Variants in AHRR observed in about 807,000 individuals in gnomAD.
The protein encoded by AHRR is ahR repressor.
A neutral mutation model predicts 44.0 loss-of-function variants in AHRR; 28 were observed. The observed-to-expected ratio is 0.64, with a 90% CI of 0.47 to 0.87. The LOEUF (loss-of-function observed/expected upper bound fraction) is 0.87, where lower values mean the gene tolerates loss of function less well. Ranked by LOEUF, AHRR falls within the 40% of genes least tolerant of loss-of-function variation. AHRR has a pLI of 0.00. For missense variants in AHRR, 990 were observed against 953.9 expected (o/e 1.04, Z -0.50); for synonymous variants, 434 against 407.0 (o/e 1.07, Z -0.80).
At position 337,368 on chromosome 5, in the gene AHRR, C is replaced by A. The variant is rs1284602574; in HGVS notation, c.-10-6525C>A. On this transcript the variant is annotated intron_variant, in intron 1 of 10. Transcript: ENST00000684583. The surrounding 1 kb of genome is among the most constrained non-coding windows in gnomAD (Gnocchi z 4.1). ...TTTAAAAAATCAGCTCTCTGTTTTTCTTTATGTGTATGTATATACACACAC... is the reference window on the plus strand; with the variant it reads ...TTTAAAAAATCAGCTCTCTGTTTTTATTTATGTGTATGTATATACACACAC... Among the ~76,000 whole-genome samples, 1 of 152,054 alleles carries A rather than the reference C, an allele frequency of 6.6e-6. No individual in the cohort carries two copies. The highest frequency in any genetic ancestry group is 1.5e-5 in the Non-Finnish European group (1 of 67,998).
intron 8 of AHRR, among the ~76,000 whole-genome samples, chr5:428,298 A>G (rs1736564135): frequency 6.6e-6 from 1 of 152,238 alleles, no homozygotes; most frequent in South Asian, 2.1e-4. Context: ...GTCCTCAAGA[A>G]AATGCGGAGC....
chr5:331,188 T>A (rs1441653350), intron 1 of AHRR, among the ~76,000 whole-genome samples: 1 of 152,172 alleles, frequency 6.6e-6, no homozygotes, highest in Non-Finnish European at 1.5e-5. Flanking sequence ...TGTGAGCTTT[T>A]CTTTTGGGGG....
chr5:410,340 G>A (rs2126507924), intron 4 of AHRR, among the ~76,000 whole-genome samples: 1 of 152,286 alleles, frequency 6.6e-6, no homozygotes, highest in African/African-American at 2.4e-5. Context: ...GGGACTACAG[G>A]CATGCACCAC....
intron 1 of AHRR, among the ~76,000 whole-genome samples, chr5:325,139 C>T (rs558314433): frequency 1.9e-3 from 287 of 152,310 alleles, no homozygotes; most frequent in Non-Finnish European, 3.1e-3. Flanking sequence ...CTGCACTAGC[C>T]CCACCTCTGA....
chr5:359,895 A>T (rs1743118081), intron 3 of AHRR, among the ~76,000 whole-genome samples: 1 of 152,180 alleles, frequency 6.6e-6, no homozygotes, highest in African/African-American at 2.4e-5. Context: ...ATGCTCCTTG[A>T]GATTACGAGT....
chr5:393,319 C>T (rs1167777243), intron 4 of AHRR, among the ~76,000 whole-genome samples: 1 of 152,240 alleles, frequency 6.6e-6, no homozygotes, highest in African/African-American at 2.4e-5. Flanking sequence ...TTGCACCTAA[C>T]GTTACGTGTC....
Position 337,332 on chromosome 5 carries a change from A to G in AHRR, c.-10-6561A>G, listed in dbSNP as rs1229189497. Among the ~76,000 whole-genome samples, 1 of 152,162 alleles carries G rather than the reference A, an allele frequency of 6.6e-6. No homozygotes were observed. Among genetic ancestry groups the G allele is most frequent in the Non-Finnish European group, 1.5e-5 (1 of 68,044 alleles). Reference sequence around the variant, plus strand: ...CATATGTGTTTTAATGTGTATGTCTAAAACGTGGATTTTAAAAAATCAGCT... The same window carrying G: ...CATATGTGTTTTAATGTGTATGTCTGAAACGTGGATTTTAAAAAATCAGCT... On this transcript the variant is annotated intron_variant, in intron 1 of 10. Coordinates refer to ENST00000684583, the MANE Select transcript of AHRR (RefSeq NM_001377236.1). The surrounding 1 kb of genome is among the most constrained non-coding windows in gnomAD (Gnocchi z 4.1).
chr5:350,456 C>T (rs1338304209), intron 2 of AHRR, among the ~76,000 whole-genome samples: 2 of 152,204 alleles, frequency 1.3e-5, no homozygotes, highest in East Asian at 1.9e-4. Flanking sequence ...ACTGGAGCTT[C>T]TCCTGCACGC....
At chr5:369,845 A>C (rs1367991359) in intron 3 of AHRR, among the ~76,000 whole-genome samples, 2 of 152,250 alleles carry the variant, frequency 1.3e-5, no homozygotes, top group East Asian at 3.8e-4. Flanking sequence ...TCATCTTCAA[A>C]AGGCAAAACG....
chr5:362,061 G>A (rs1743204161), intron 3 of AHRR, among the ~76,000 whole-genome samples: 1 of 152,208 alleles, frequency 6.6e-6, no homozygotes, highest in Non-Finnish European at 1.5e-5. Flanking sequence ...TGTATTTGGA[G>A]AAGGGGCCTC....
At chr5:350,105 G>C (rs1175206413) in intron 2 of AHRR, among the ~76,000 whole-genome samples, 1 of 152,142 alleles carries the variant, frequency 6.6e-6, no homozygotes, top group Non-Finnish European at 1.5e-5. Flanking sequence ...TAGGTCCTTT[G>C]CATTTCCATG....
At chr5:343,857 C>G in intron 1 of AHRR, 36 bp from the exon 2 acceptor site, 1 of 1,571,940 alleles carries the variant, frequency 6.4e-7, no homozygotes, top group Non-Finnish European at 8.6e-7. Flanking sequence ...GCGCACGTGG[C>G]GCGTTCCGGT....
intron 7 of AHRR, among the ~76,000 whole-genome samples, chr5:427,168 TC>T (rs1736454255): frequency 6.6e-6 from 1 of 152,164 alleles, no homozygotes; most frequent in Non-Finnish European, 1.5e-5. Flanking sequence ...GTGGGGTGAT[TC>T]TTCCATACAA....
intron 4 of AHRR, among the ~76,000 whole-genome samples, chr5:393,262 C>T (rs6899226): frequency 0.3 from 46,230 of 152,134 alleles, 9,780 homozygotes; most frequent in African/African-American, 0.6. Context: ...GTTGGCAGCA[C>T]GTTGACTGTG....
chr5:403,508 T>C (rs577846118), intron 4 of AHRR, among the ~76,000 whole-genome samples: 43 of 152,116 alleles, frequency 2.8e-4, no homozygotes, highest in Non-Finnish European at 4.3e-4. Flanking sequence ...TGGTGGCGCA[T>C]GCCTGTAATC....
At chr5:432,416 T>A in intron 8 of AHRR, 47 bp from the exon 9 acceptor site, 1 of 1,571,328 alleles carries the variant, frequency 6.4e-7, no homozygotes, top group South Asian at 1.1e-5. Context: ...CCACATGTCA[T>A]CTTGTTCATC....
chr5:350,231 A>G, intron 2 of AHRR, among the ~76,000 whole-genome samples: 1 of 152,228 alleles, frequency 6.6e-6, no homozygotes, highest in Non-Finnish European at 1.5e-5. Flanking sequence ...ATATTGAATC[A>G]TCCAATCAAA....
chr5:391,340 C>A (rs56084054), intron 4 of AHRR, among the ~76,000 whole-genome samples: 18,610 of 98,222 alleles, frequency 0.19, 1,459 homozygotes, highest in African/African-American at 0.27. Context: ...CAGGGCGAGG[C>A]GGGCGCAGGG....
chr5:376,109 G>GCGGCCCCTGGGGGCGTGGGGCC (rs1266508020), intron 3 of AHRR, among the ~76,000 whole-genome samples: 105 of 151,594 alleles, frequency 6.9e-4, no homozygotes, highest in Non-Finnish European at 1.0e-3. Context: ...CGATGCGGGT[G>GCGGCCCCTGGGGGCGTGGGGCC]TGCAGGGCAC....
Sources: gnomAD v4.1 joint callset for allele counts (sites outside exome capture counted in the v4.1 genomes callset) on GRCh38, gnomAD v4.1.1 for gene constraint, Gnocchi (gnomAD v3.1) non-coding constraint, MANE v1.5 for transcripts, NCBI Gene and HGNC (gene_info 2026-07-23, HGNC 2026-07-21) for gene names.